KLRB1: variants seen among roughly 807,000 people sequenced by gnomAD.
The protein encoded by KLRB1 is killer cell lectin like receptor B1.
A neutral mutation model predicts 33.5 loss-of-function variants in KLRB1; 27 were observed. That is an observed-to-expected ratio of 0.81 (90% CI 0.59 to 1.11). The LOEUF (loss-of-function observed/expected upper bound fraction) is 1.11. Ranked by LOEUF, KLRB1 falls within the 50% of genes most tolerant of loss-of-function variation. The probability of loss-of-function intolerance (pLI) is 0.00; values close to 1 mark genes in which losing one functional copy is unlikely to be tolerated. For synonymous variants in KLRB1, 64 were observed against 88.9 expected (o/e 0.72, Z 1.58); for missense variants, 241 against 254.1 (o/e 0.95, Z 0.35).
chr12:9,606,593 G>A (rs568936225), intron 1 of KLRB1: 4 of 148,452 alleles, frequency 2.7e-5, no homozygotes, highest in African/African-American at 9.9e-5. Flanking sequence ...TTTTTTTCCA[G>A]AAAGTGTTCC....
chr12:9,607,623 T>C (rs1165626713), intron 1 of KLRB1, 132 bp downstream of exon 1: 2 of 632,540 alleles, frequency 3.2e-6, no homozygotes, highest in South Asian at 2.0e-5. Context: ...AGGCAAGCCA[T>C]GCAACACCCG....
chr12:9,596,383 A>G (rs1051747227), intron 5 of KLRB1, among the ~76,000 whole-genome samples: 4 of 152,134 alleles, frequency 2.6e-5, no homozygotes, highest in African/African-American at 7.2e-5. Context: ...TTAAATGCCA[A>G]TCTGGCCAAG....
At chr12:9,607,359 T>TCTCTTTCTTTC (rs1864626571) in intron 1 of KLRB1, among the ~76,000 whole-genome samples, 4 of 31,498 alleles carry the variant, frequency 1.3e-4, no homozygotes, top group African/African-American at 2.0e-4. Context: ...TTTCTTCCTT[T>TCTCTTTCTTTC]CTTTCTTTCT....
intron 3 of KLRB1, among the ~76,000 whole-genome samples, chr12:9,599,289 C>T (rs1217979795): frequency 1.3e-5 from 2 of 152,158 alleles, no homozygotes; most frequent in Non-Finnish European, 2.9e-5. Flanking sequence ...GATCATATTC[C>T]ACTATAGTCA....
intron 2 of KLRB1, among the ~76,000 whole-genome samples, chr12:9,600,621 T>C (rs1864530483): frequency 6.6e-6 from 1 of 152,216 alleles, no homozygotes; most frequent in South Asian, 2.1e-4. Flanking sequence ...CTCTGAAACA[T>C]GTGCTGTGTC....
At chr12:9,607,355 C>CCTTTCTTTCTTTCTTTCTTCCTTT (rs1864626072) in intron 1 of KLRB1, among the ~76,000 whole-genome samples, 1 of 52,706 alleles carries the variant, frequency 1.9e-5, no homozygotes, top group African/African-American at 5.2e-5. Context: ...TTTCTTTCTT[C>CCTTTCTTTCTTTCTTTCTTCCTTT]CTTTCTTTCT....
intron 1 of KLRB1, among the ~76,000 whole-genome samples, chr12:9,603,581 T>C (rs10743785): frequency 0.96 from 144,760 of 151,148 alleles, 69,638 homozygotes; most frequent in East Asian, 1. Flanking sequence ...TGCGCCACCA[T>C]GCCCGGCTAA....
At chr12:9,600,819 G>A (rs951862260) in intron 2 of KLRB1, among the ~76,000 whole-genome samples, 4 of 151,442 alleles carry the variant, frequency 2.6e-5, no homozygotes, top group African/African-American at 9.7e-5. Flanking sequence ...TTCTCCCCAT[G>A]TGATAGTCTG....
rs1178229922 is a variant in KLRB1, at chr12:9,598,138, A to G, written c.438T>C (p.Arg146=). 1 of 1,604,808 alleles carries G rather than the reference A, an allele frequency of 6.2e-7. No individual in the cohort carries two copies. Among genetic ancestry groups the G allele is most frequent in the African/African-American group, 1.3e-5 (1 of 74,562 alleles). Reference sequence around the variant, plus strand: ...CAATCCAAAACAGAATTGCTTTGTCACGTATCAGGTTCTGTGTGTGTATCT... The same window carrying G: ...CAATCCAAAACAGAATTGCTTTGTCGCGTATCAGGTTCTGTGTGTGTATCT... The part of the protein sequence containing the change: ...DELIHTQNLI[R]DKAILFWIGL... Residue 146 remains arginine, a synonymous_variant, in exon 5 of 6, where the codon CGT becomes CGC. Coordinates refer to ENST00000229402, the MANE Select transcript of KLRB1 (RefSeq NM_002258.3).
intron 1 of KLRB1, among the ~76,000 whole-genome samples, chr12:9,603,018 G>A (rs1464040495): frequency 1.3e-5 from 2 of 152,154 alleles, no homozygotes; most frequent in African/African-American, 2.4e-5. Flanking sequence ...CGTTAGATGT[G>A]ATCAAAGATT....
intron 1 of KLRB1, among the ~76,000 whole-genome samples, chr12:9,607,415 T>TTTCTTTTCTTTTCTTTTCTTTTTG (rs143585761): frequency 7.7e-5 from 8 of 103,234 alleles, no homozygotes; most frequent in East Asian, 3.6e-4. Context: ...TTTTCTTTCT[T>TTTCTTTTCTTTTCTTTTCTTTTTG]TCTTTCTTTC....
intron 1 of KLRB1, among the ~76,000 whole-genome samples, chr12:9,604,902 A>C (rs553679079): frequency 6.6e-6 from 1 of 151,902 alleles, no homozygotes. Context: ...GGTTTGTTAC[A>C]TATGTATACA....
intron 1 of KLRB1, among the ~76,000 whole-genome samples, chr12:9,607,355 C>CTTCCTTT (rs1555097796): frequency 0.017 from 875 of 52,680 alleles, 27 homozygotes; most frequent in East Asian, 0.06. Context: ...TTTCTTTCTT[C>CTTCCTTT]CTTTCTTTCT....
chr12:9,601,597 C>T lies in KLRB1; in HGVS notation c.88G>A (p.Val30Ile), dbSNP rs1279285384. ...SSSPSSLPRD[V>I]CQGSPWHQFA... The stretch of plus-strand genomic sequence containing the variant: ...TGATGCCAAGGTGAACCCTGACAGA[C>T]ATCTGAAAAGTTAAAAAGAAAAACA... The change falls in exon 2 of 6, where the codon GTC becomes ATC. Residue 30 changes from valine (V) to isoleucine (I), a missense_variant and splice_region_variant. Val to Ile is a conservative substitution (Grantham distance 29, BLOSUM62 3). Coordinates refer to ENST00000229402, the MANE Select transcript of KLRB1 (RefSeq NM_002258.3). 3.1e-6 allele frequency: 5 copies of T among 1,605,736 alleles called. No individual in the cohort carries two copies. The East Asian group carries it at 6.7e-5, about 22-fold the overall frequency.
chr12:9,606,756 A>ATTTTTTTTTTTTTTTTTTTTTTT lies in KLRB1; in HGVS notation c.85+998_85+999insAAAAAAAAAAAAAAAAAAAAAAA, dbSNP rs1188705968. On this transcript the variant is annotated intron_variant, in intron 1 of 5. Transcript: ENST00000229402. ...AAAGTATATATATATATATATATAT[A>ATTTTTTTTTTTTTTTTTTTTTTT]TATATTTTTTTTTTTTTTTTGAGAT... Among the ~76,000 whole-genome samples the ATTTTTTTTTTTTTTTTTTTTTTT allele has an allele frequency of 2.5e-4, 8 of 31,538 alleles. 2 individuals are homozygous for ATTTTTTTTTTTTTTTTTTTTTTT. The highest frequency in any genetic ancestry group is 0.016 in the Middle Eastern group (1 of 64). The allele number at this position is 31,538 out of a possible 152,430, so 20.7% of individuals were successfully genotyped here.
intron 3 of KLRB1, among the ~76,000 whole-genome samples, chr12:9,599,224 C>G (rs1591656180): frequency 6.6e-6 from 1 of 152,142 alleles, no homozygotes; most frequent in Admixed American, 6.5e-5. Flanking sequence ...ATAGAATTTT[C>G]CAGAAGGACT....
rs1336534922 is a variant in KLRB1 at position 9,606,760 on chromosome 12, A to ATATAT, written c.85+994_85+995insATATA. Among the ~76,000 whole-genome samples the ATATAT allele has an allele frequency of 4.7e-3, 297 of 63,720 alleles. 22 individuals are homozygous for ATATAT. Among genetic ancestry groups the ATATAT allele is most frequent in the African/African-American group, 0.017 (202 of 12,112 alleles). The allele number at this position is 63,720 out of a possible 152,430, so 41.8% of individuals were successfully genotyped here. On this transcript the variant is annotated intron_variant, in intron 1 of 5. Transcript: ENST00000229402. ...TATATATATATATATATATATATAT[A>ATATAT]TTTTTTTTTTTTTTTTGAGATAGTC...
rs773329889 is a variant in KLRB1 at position 9,595,060 on chromosome 12, C to T, written c.*214G>A. 30 of 527,022 alleles carry T rather than the reference C, an allele frequency of 5.7e-5. No homozygotes were observed. Among genetic ancestry groups the T allele is most frequent in the South Asian group, 2.4e-4 (9 of 37,306 alleles). The allele number at this position is 527,022 out of a possible 1,614,324, so 32.6% of individuals were successfully genotyped here. On this transcript the variant is annotated 3_prime_UTR_variant, in exon 6 of 6. Coordinates refer to ENST00000229402, the MANE Select transcript of KLRB1 (RefSeq NM_002258.3). The stretch of plus-strand genomic sequence containing the variant: ...ATAGAATATCACTGTTTCTTTAAAA[C>T]GATGCACGTTTTTCTCTATGTCTCT...
chr12:9,602,681 C>T (rs1016427862), intron 1 of KLRB1, among the ~76,000 whole-genome samples: 5 of 151,884 alleles, frequency 3.3e-5, no homozygotes, highest in Admixed American at 2.6e-4. Flanking sequence ...TGAATAAAGG[C>T]TTTCTAATTT....
Sources: allele counts gnomAD v4.1 joint callset (sites outside exome capture counted in the v4.1 genomes callset), GRCh38; gene constraint gnomAD v4.1.1; transcripts MANE v1.5; gene names NCBI Gene and HGNC (gene_info 2026-07-23, HGNC 2026-07-21).